CDH18: variants seen among roughly 807,000 people sequenced by gnomAD.
CDH18 encodes the protein cadherin 18.
In CDH18, 31 loss-of-function variants were observed where a neutral mutation model predicts 67.9. That is an observed-to-expected ratio of 0.46 (90% CI 0.34 to 0.62). The LOEUF (loss-of-function observed/expected upper bound fraction) is 0.62, where lower values mean the gene tolerates loss of function less well. Among genes scored for constraint, CDH18 ranks in the 20% least tolerant of loss-of-function variants. The pLI, the probability that CDH18 is intolerant of heterozygous loss-of-function variation, is 0.01. For synonymous variants in CDH18, 362 were observed against 347.2 expected (o/e 1.04, Z -0.48); for missense variants, 890 against 975.5 (o/e 0.91, Z 1.17).
At chr5:19,622,227 C>T (rs771422262) in intron 5 of CDH18, among the ~76,000 whole-genome samples, 114 of 152,100 alleles carry the variant, frequency 7.5e-4, no homozygotes, top group Non-Finnish European at 1.4e-3. Flanking sequence ...CAAGAGATGG[C>T]AGAAACATGG....
chr5:19,508,156 T>C lies in CDH18; in HGVS notation c.1513-5047A>G, dbSNP rs1744524974. The stretch of plus-strand genomic sequence containing the variant: ...CTGCTCTGTATTGGCATATTCAATA[T>C]TTCTGTTTTACAAATCACCTTGTCT... On this transcript the variant is annotated intron_variant, in intron 10 of 12. Transcript: ENST00000382275. Among the ~76,000 whole-genome samples, 6 of 152,276 alleles carry C rather than the reference T, an allele frequency of 3.9e-5. No homozygotes were observed. The South Asian group carries it at 1.2e-3, about 32-fold the overall frequency.
At chr5:19,756,562 G>T (rs1425397903) in intron 3 of CDH18, among the ~76,000 whole-genome samples, 1 of 152,174 alleles carries the variant, frequency 6.6e-6, no homozygotes, top group Non-Finnish European at 1.5e-5. Context: ...TGTATCCCAT[G>T]CATACTGTTC....
At chr5:19,555,533 T>G (rs1195800875) in intron 8 of CDH18, among the ~76,000 whole-genome samples, 1 of 152,158 alleles carries the variant, frequency 6.6e-6, no homozygotes, top group Non-Finnish European at 1.5e-5. Flanking sequence ...AGCTATGTGA[T>G]GCAGCAGAGA....
At chr5:19,544,478 T>C (rs1244750454) in intron 8 of CDH18, among the ~76,000 whole-genome samples, 2 of 152,222 alleles carry the variant, frequency 1.3e-5, no homozygotes, top group African/African-American at 2.4e-5. Context: ...AAAACATTTA[T>C]ATTTATTAAC....
At chr5:20,501,594 T>TATATATTA (rs1554010562) in intron 1 of CDH18, among the ~76,000 whole-genome samples, 2 of 35,296 alleles carry the variant, frequency 5.7e-5, no homozygotes, top group African/African-American at 2.2e-4. Context: ...TATATATATA[T>TATATATTA]TATATATATA....
chr5:19,763,558 T>C (rs1286025191), intron 3 of CDH18, among the ~76,000 whole-genome samples: 1 of 152,136 alleles, frequency 6.6e-6, no homozygotes. Context: ...TATTTTTTGT[T>C]GAAGGTCTCA....
chr5:19,941,939 A>G (rs902753812), intron 2 of CDH18, among the ~76,000 whole-genome samples: 1 of 152,148 alleles, frequency 6.6e-6, no homozygotes, highest in Non-Finnish European at 1.5e-5. Flanking sequence ...CATCTTCTCA[A>G]TCATGTTCAT....
At position 20,137,692 on chromosome 5, in the gene CDH18, C is replaced by G. The variant is rs146964180; in HGVS notation, c.-518+117752G>C. On this transcript the variant is annotated intron_variant, in intron 2 of 14. Transcript: ENST00000507958. ...CTGATTTTTGGAATTTTCAGCTTTT[C>G]TCCTCTGTTTTTCTCCCCATCTTTG... 9.6e-4 allele frequency among the ~76,000 whole-genome samples: 146 copies of G among 152,208 alleles called. 3 individuals carry two copies. The East Asian group carries it at 0.026, about 27-fold the overall frequency.
rs887098750 is a variant in CDH18 at position 20,208,529 on chromosome 5, T to G, written c.-518+46915A>C. Among the ~76,000 whole-genome samples, 4 of 152,114 alleles carry G rather than the reference T, an allele frequency of 2.6e-5. No individual in the cohort carries two copies. The East Asian group carries it at 7.8e-4, about 30-fold the overall frequency. ...AACTGGATTACCATCTGCAAAACAC[T>G]AAATGTAGACTCTGATCACTCACTG... On this transcript the variant is annotated intron_variant, in intron 2 of 14. Transcript: ENST00000507958.
intron 8 of CDH18, among the ~76,000 whole-genome samples, chr5:19,549,698 G>GAAGA (rs763236432): frequency 7.1e-6 from 1 of 141,382 alleles, no homozygotes; most frequent in Non-Finnish European, 1.5e-5. Flanking sequence ...GCGAAAGAAA[G>GAAGA]AAGAAAGAAA....
At chr5:19,480,436 G>T (rs1337547176) in intron 12 of CDH18, among the ~76,000 whole-genome samples, 1 of 150,978 alleles carries the variant, frequency 6.6e-6, no homozygotes, top group Non-Finnish European at 1.5e-5. Context: ...GAGTGCAGTG[G>T]CGCCATCTCA....
chr5:20,168,987 T>C (rs1350517830), intron 2 of CDH18, among the ~76,000 whole-genome samples: 2 of 152,000 alleles, frequency 1.3e-5, no homozygotes, highest in South Asian at 2.1e-4. Context: ...GGAAAGGTAG[T>C]AGGAGGCTAG....
At chr5:19,825,346 G>A (rs1046950560) in intron 3 of CDH18, among the ~76,000 whole-genome samples, 3 of 152,048 alleles carry the variant, frequency 2.0e-5, no homozygotes, top group South Asian at 2.1e-4. Flanking sequence ...TCAAAAACAC[G>A]CAGACAGCAG....
At chr5:20,025,390 T>C (rs1398293347) in intron 2 of CDH18, among the ~76,000 whole-genome samples, 4 of 152,194 alleles carry the variant, frequency 2.6e-5, no homozygotes, top group African/African-American at 4.8e-5. Flanking sequence ...CTAGGACATA[T>C]AAGGTTGTCC....
chr5:19,647,978 G>A (rs1755022706), intron 5 of CDH18, among the ~76,000 whole-genome samples: 1 of 152,002 alleles, frequency 6.6e-6, no homozygotes, highest in African/African-American at 2.4e-5. Context: ...GAGCTATGTA[G>A]GCAGAAAAAA....
At chr5:19,592,450 G>T (rs1426490153) in intron 6 of CDH18, among the ~76,000 whole-genome samples, 1 of 151,936 alleles carries the variant, frequency 6.6e-6, no homozygotes, top group Non-Finnish European at 1.5e-5. Flanking sequence ...AATAACAGAA[G>T]CCCAGGAATC....
At chr5:19,711,537 G>A (rs1764706064) in intron 5 of CDH18, among the ~76,000 whole-genome samples, 1 of 151,262 alleles carries the variant, frequency 6.6e-6, no homozygotes, top group African/African-American at 2.4e-5. Context: ...AGACACAAAT[G>A]GCTATCAAGC....
intron 9 of CDH18, among the ~76,000 whole-genome samples, chr5:19,537,897 G>T (rs998510166): frequency 2.0e-5 from 3 of 152,024 alleles, no homozygotes; most frequent in Non-Finnish European, 4.4e-5. Context: ...AGATTATAAA[G>T]TACCCAATAC....
rs144736004 is a variant in CDH18, at chr5:19,800,326, G to A, written c.228+38433C>T. Among the ~76,000 whole-genome samples, 1,125 of 152,172 alleles carry A rather than the reference G, an allele frequency of 7.4e-3. 4 individuals are homozygous for A. Among genetic ancestry groups the A allele is most frequent in the Non-Finnish European group, 0.01 (700 of 67,996 alleles). ...TGTCTCCAACCAGAGCATTTAGCAC[G>A]TAGTCATAAACCTCTGCCAACAATT... On this transcript the variant is annotated intron_variant, in intron 3 of 12. Transcript: ENST00000382275.
Sources: gnomAD v4.1 joint callset for allele counts (sites outside exome capture counted in the v4.1 genomes callset) on GRCh38, gnomAD v4.1.1 for gene constraint, MANE v1.5 for transcripts, NCBI Gene and HGNC (gene_info 2026-07-23, HGNC 2026-07-21) for gene names.